Variants in FHIT observed in about 807,000 individuals in gnomAD.
The protein encoded by FHIT is bis(5'-adenosyl)-triphosphatase.
Under a neutral mutation model 17.9 loss-of-function variants are expected in FHIT, and 19 were observed. That is an observed-to-expected ratio of 1.06 (90% CI 0.74 to 1.56). The LOEUF is 1.56. FHIT is among the 40% of genes most tolerant of loss of function. The probability of loss-of-function intolerance (pLI) is 0.00; values close to 1 mark genes in which losing one functional copy is unlikely to be tolerated. For synonymous variants in FHIT, 81 were observed against 69.7 expected, an observed-to-expected ratio of 1.16 and a Z score of -0.81; for missense variants, 248 against 189.2, an observed-to-expected ratio of 1.31 and a Z score of -1.82.
At chr3:60,233,215 G>C (rs926198161) in intron 5 of FHIT, among the ~76,000 whole-genome samples, 1 of 152,176 alleles carries the variant, frequency 6.6e-6, no homozygotes, top group Admixed American at 6.5e-5. Context: ...CACTTAGAGA[G>C]TAAAATCTTA....
chr3:60,577,171 G>A (rs2037598272), intron 4 of FHIT, among the ~76,000 whole-genome samples: 1 of 152,072 alleles, frequency 6.6e-6, no homozygotes, highest in Admixed American at 6.6e-5. Flanking sequence ...TAAACATGAG[G>A]TTTGGTACTA....
At chr3:60,412,751 T>C (rs1424173199) in intron 5 of FHIT, among the ~76,000 whole-genome samples, 1 of 152,166 alleles carries the variant, frequency 6.6e-6, no homozygotes, top group East Asian at 1.9e-4. Context: ...TGAATTGTAA[T>C]TTCCCCATGT....
At chr3:61,211,333 C>A (rs1235906680) in intron 1 of FHIT, among the ~76,000 whole-genome samples, 2 of 152,146 alleles carry the variant, frequency 1.3e-5, no homozygotes, top group African/African-American at 4.8e-5. Context: ...GCTTAAGAAA[C>A]GGCGCACCAG....
intron 1 of FHIT, among the ~76,000 whole-genome samples, chr3:61,222,533 T>A (rs962400658): frequency 6.6e-6 from 1 of 152,182 alleles, no homozygotes; most frequent in South Asian, 2.1e-4. Flanking sequence ...GCAGCGTTAT[T>A]CTGAGTGATA....
At chr3:60,084,121 T>A (rs1703402311) in intron 5 of FHIT, among the ~76,000 whole-genome samples, 1 of 152,162 alleles carries the variant, frequency 6.6e-6, no homozygotes, top group Admixed American at 6.6e-5. Flanking sequence ...GTATAAGGAT[T>A]CATAAGTCTC....
intron 5 of FHIT, among the ~76,000 whole-genome samples, chr3:60,398,786 T>C (rs1701553579): frequency 6.6e-6 from 1 of 152,022 alleles, no homozygotes; most frequent in Non-Finnish European, 1.5e-5. Context: ...TTCATAGGAG[T>C]TAAGAAAATA....
intron 2 of FHIT, among the ~76,000 whole-genome samples, chr3:61,134,087 T>TCACACACACATA (rs2036840784): frequency 4.7e-5 from 2 of 42,560 alleles, no homozygotes; most frequent in African/African-American, 2.1e-4. Flanking sequence ...AGACTCTGTC[T>TCACACACACATA]CACACACACA....
chr3:60,025,296 C>T (rs1700699973), intron 5 of FHIT, among the ~76,000 whole-genome samples: 2 of 152,200 alleles, frequency 1.3e-5, no homozygotes. Flanking sequence ...TGCATATGTG[C>T]ACGCACACAC....
intron 5 of FHIT, among the ~76,000 whole-genome samples, chr3:60,357,030 A>T (rs1699697267): frequency 1.3e-5 from 2 of 152,204 alleles, no homozygotes; most frequent in Admixed American, 1.3e-4. Context: ...GAGGAGAGCC[A>T]TACAATACAG....
At chr3:60,014,983 T>C (rs1302764693) in intron 5 of FHIT, among the ~76,000 whole-genome samples, 1 of 151,232 alleles carries the variant, frequency 6.6e-6, no homozygotes, top group Non-Finnish European at 1.5e-5. Flanking sequence ...ATCAATAACA[T>C]TTCAGTCACT....
At chr3:60,895,665 CCTTT>C (rs141279352) in intron 3 of FHIT, among the ~76,000 whole-genome samples, 10,035 of 106,100 alleles carry the variant, frequency 0.095, 565 homozygotes, top group East Asian at 0.21. Flanking sequence ...TTCCTTCCTT[CCTTT>C]CTTTCTTTCT....
intron 8 of FHIT, among the ~76,000 whole-genome samples, chr3:59,844,513 G>A (rs1701647766): frequency 6.6e-6 from 1 of 152,052 alleles, no homozygotes; most frequent in South Asian, 2.1e-4. Flanking sequence ...GTGTCTGTGT[G>A]TGTGTGTTTA....
intron 7 of FHIT, among the ~76,000 whole-genome samples, chr3:59,988,379 T>A (rs1709080260): frequency 6.6e-6 from 1 of 152,128 alleles, no homozygotes; most frequent in South Asian, 2.1e-4. Flanking sequence ...TGGTGGAGTC[T>A]ATTGTTGGTT....
intron 3 of FHIT, among the ~76,000 whole-genome samples, chr3:60,969,852 T>G (rs1709921155): frequency 6.6e-6 from 1 of 152,190 alleles, no homozygotes; most frequent in African/African-American, 2.4e-5. Flanking sequence ...ATCTTCTATA[T>G]GTTTACTGAC....
At chr3:60,157,153 T>C (rs1700737197) in intron 5 of FHIT, among the ~76,000 whole-genome samples, 1 of 152,196 alleles carries the variant, frequency 6.6e-6, no homozygotes, top group East Asian at 1.9e-4. Context: ...ATGGTTTCAG[T>C]GCCTCTGCCA....
At chr3:60,403,197 A>C (rs895158787) in intron 5 of FHIT, among the ~76,000 whole-genome samples, 4 of 152,234 alleles carry the variant, frequency 2.6e-5, no homozygotes, top group Admixed American at 6.5e-5. Flanking sequence ...AGAAAGCAGA[A>C]TTTTAACAAC....
chr3:60,625,677 C>T (rs2039265670), intron 4 of FHIT, among the ~76,000 whole-genome samples: 1 of 152,072 alleles, frequency 6.6e-6, no homozygotes, highest in African/African-American at 2.4e-5. Flanking sequence ...TATTTTATCC[C>T]ATTCTGTGGA....
Position 59,906,715 on chromosome 3 carries a change from C to G in FHIT, c.348+15631G>C, listed in dbSNP as rs141501129. Among the ~76,000 whole-genome samples, 66 of 152,332 alleles carry G rather than the reference C, an allele frequency of 4.3e-4. No homozygotes were observed. In the East Asian group the frequency reaches 0.011, roughly 25 times the overall value. On this transcript the variant is annotated intron_variant, in intron 8 of 9. Coordinates refer to ENST00000492590, the MANE Select transcript of FHIT (RefSeq NM_002012.4). ...TTCCAAAGATATTAGGATCTCTCTT[C>G]ACATAGTCTTTCCTTCTTTTGAATG...
At chr3:61,098,274 T>C (rs2035705019) in intron 2 of FHIT, among the ~76,000 whole-genome samples, 1 of 152,194 alleles carries the variant, frequency 6.6e-6, no homozygotes, top group South Asian at 2.1e-4. Context: ...TACAGCCTTA[T>C]TTCTGGGTTC....
Sources: gnomAD v4.1 joint callset for allele counts (sites outside exome capture counted in the v4.1 genomes callset) on GRCh38, gnomAD v4.1.1 for gene constraint, MANE v1.5 for transcripts, NCBI Gene and HGNC (gene_info 2026-07-23, HGNC 2026-07-21) for gene names.